KIF1A: variants seen among roughly 807,000 people sequenced by gnomAD.
The protein encoded by KIF1A is kinesin-like protein KIF1A.
Under a neutral mutation model 227.3 loss-of-function variants are expected in KIF1A, and 46 were observed. The observed-to-expected ratio is 0.20, with a 90% CI of 0.16 to 0.26. The LOEUF (loss-of-function observed/expected upper bound fraction) is 0.26. Among genes scored for constraint, KIF1A ranks in the 10% least tolerant of loss-of-function variants. KIF1A has a pLI of 1.00. For missense variants in KIF1A, 1,683 were observed against 2,485.9 expected, an observed-to-expected ratio of 0.68 and a Z score of 6.87; for synonymous variants, 1,022 against 1,012.8, an observed-to-expected ratio of 1.01 and a Z score of -0.17.
Position 240,736,413 on chromosome 2 carries a change from G to A in KIF1A, c.4007+650C>T, listed in dbSNP as rs2047330853. ...CCGCGGGACGTCCCCACCCACCAGG[G>A]CTGCCCCTGGCAGTGCTGAGCCACC... On this transcript the variant is annotated intron_variant, in intron 38 of 48. Transcript: ENST00000498729. This position sits in a 1 kb window ranked among gnomAD's most constrained non-coding sequence, Gnocchi z 4.7. 6.6e-6 allele frequency among the ~76,000 whole-genome samples: 1 copy of A among 152,142 alleles called. No homozygotes were observed. Among genetic ancestry groups the A allele is most frequent in the Non-Finnish European group, 1.5e-5 (1 of 68,020 alleles).
chr2:240,746,166 C>T lies in KIF1A; in HGVS notation c.3075G>A (p.Glu1025=), dbSNP rs1234424092. ...GGGACATCCCCACCACGGGGCAAGACTCGGACTGGAACTGATCAGAGGGGG... is the reference window on the plus strand; with the variant it reads ...GGGACATCCCCACCACGGGGCAAGATTCGGACTGGAACTGATCAGAGGGGG... ...DDQHFEKFQS[E]SCPVVGMSRS... Residue 1025 remains glutamate, a synonymous_variant, in exon 30 of 49, where the codon GAG becomes GAA. Transcript: ENST00000498729. The T allele has an allele frequency of 6.4e-7, 1 of 1,564,026 alleles. No homozygotes were observed. The highest frequency in any genetic ancestry group is 2.4e-5 in the East Asian group (1 of 41,906).
intron 1 of KIF1A, among the ~76,000 whole-genome samples, chr2:240,812,220 G>A (rs1218012257): frequency 6.6e-6 from 1 of 152,224 alleles, no homozygotes; most frequent in Non-Finnish European, 1.5e-5. Context: ...CCCTGGGGTG[G>A]GGGCATCAGC....
chr2:240,776,953 G>C (rs1451931436), intron 10 of KIF1A, among the ~76,000 whole-genome samples: 1 of 152,240 alleles, frequency 6.6e-6, no homozygotes, highest in South Asian at 2.1e-4. Flanking sequence ...TGTCCATCTC[G>C]CAGCTCAGCA....
rs761981407 is a variant in KIF1A, at chr2:240,726,976, C to T, written c.4008-36G>A. On this transcript the variant is annotated intron_variant, in intron 38 of 48. Coordinates refer to ENST00000498729, the MANE Select transcript of KIF1A (RefSeq NM_001244008.2). This position sits in a 1 kb window ranked among gnomAD's most constrained non-coding sequence, Gnocchi z 5.2. ...GCAGAGACAAAGTAGAAGTTGATGGCGTGGGGGCTGCTTTCAGCCAGGCCG... is the reference window on the plus strand; with the variant it reads ...GCAGAGACAAAGTAGAAGTTGATGGTGTGGGGGCTGCTTTCAGCCAGGCCG... The T allele has an allele frequency of 1.1e-5, 15 of 1,315,100 alleles. No homozygotes were observed. The highest frequency in any genetic ancestry group is 9.5e-5 in the Admixed American group (5 of 52,604). The allele number at this position is 1,315,100 out of a possible 1,614,324, so 81.5% of individuals were successfully genotyped here.
At chr2:240,803,203 TAATG>T (rs946401616) in intron 1 of KIF1A, among the ~76,000 whole-genome samples, 1 of 152,228 alleles carries the variant, frequency 6.6e-6, no homozygotes, top group Non-Finnish European at 1.5e-5. Context: ...GAATGAGTGA[TAATG>T]AAGATACATT....
chr2:240,785,692 T>C (rs964358568), intron 6 of KIF1A, among the ~76,000 whole-genome samples: 7 of 152,178 alleles, frequency 4.6e-5, no homozygotes, highest in African/African-American at 1.7e-4. Flanking sequence ...GGAGTCACAA[T>C]GACGGCCAGG....
In KIF1A at chr2:240,778,511, T is replaced by TACACACAC. The variant is rs60462300; in HGVS notation, c.883-2593_883-2586dup. ...GGCGCTCGCAGCTCCCGCACAGCGT[T>TACACACAC]ACACACACACACACACACACACACA... On this transcript the variant is annotated intron_variant, in intron 10 of 48. Transcript: ENST00000498729. The surrounding 1 kb of genome is among the most constrained non-coding windows in gnomAD (Gnocchi z 7.2). Among the ~76,000 whole-genome samples the TACACACAC allele has an allele frequency of 5.0e-3, 666 of 134,198 alleles. 7 individuals carry two copies. Among genetic ancestry groups the TACACACAC allele is most frequent in the African/African-American group, 0.014 (467 of 32,948 alleles). 88.0% of individuals were successfully genotyped at this position (134,198 alleles called of 152,430 possible).
At position 240,744,068 on chromosome 2, in the gene KIF1A, G is replaced by A. The variant is rs1559494205; in HGVS notation, c.3466-8C>T. 2 of 1,582,844 alleles carry A rather than the reference G, an allele frequency of 1.3e-6. No individual in the cohort carries two copies. The highest frequency in any genetic ancestry group is 1.7e-6 in the Non-Finnish European group (2 of 1,151,680). On this transcript the variant is annotated splice_polypyrimidine_tract_variant and splice_region_variant and intron_variant, in intron 32 of 48. Transcript: ENST00000498729. ...GGTCACCTCCACTGCGATCTGGTGG[G>A]CAGGCAGGTGGGAGGACAGGAGGGC...
At chr2:240,795,743 G>A (rs547342131) in intron 2 of KIF1A, among the ~76,000 whole-genome samples, 2 of 152,306 alleles carry the variant, frequency 1.3e-5, no homozygotes, top group East Asian at 1.9e-4. Flanking sequence ...GGTGCCACTC[G>A]CCCACCCTGG....
Position 240,786,349 on chromosome 2 carries a change from T to C in KIF1A, c.594A>G (p.Ser198=). ...SYNDIQDLMD[S]GNKARTVAAT... ...CCTCCACCCACCTGGCCTTGTTCCC[T>C]GAGTCCATGAGGTCCTGGATGTCAT... Residue 198 remains serine, a synonymous_variant, in exon 6 of 49, where the codon TCA becomes TCG. Coordinates refer to ENST00000498729, the MANE Select transcript of KIF1A (RefSeq NM_001244008.2). 1 of 1,613,454 alleles carries C rather than the reference T, an allele frequency of 6.2e-7. No homozygotes were observed. Among genetic ancestry groups the C allele is most frequent in the Non-Finnish European group, 8.5e-7 (1 of 1,179,702 alleles).
At chr2:240,817,916 C>T (rs1242621220) in intron 1 of KIF1A, among the ~76,000 whole-genome samples, 1 of 152,240 alleles carries the variant, frequency 6.6e-6, no homozygotes, top group African/African-American at 2.4e-5. Context: ...CGGGCAGTGA[C>T]CCCAGTTTTA....
At chr2:240,809,825 A>C (rs1163018210) in intron 1 of KIF1A, among the ~76,000 whole-genome samples, 1 of 151,996 alleles carries the variant, frequency 6.6e-6, no homozygotes, top group Non-Finnish European at 1.5e-5. Flanking sequence ...AACATGGTAC[A>C]TGTATACCTT....
chr2:240,743,238 G>A (rs1055998933), intron 33 of KIF1A, among the ~76,000 whole-genome samples: 1 of 152,160 alleles, frequency 6.6e-6, no homozygotes, highest in Admixed American at 6.5e-5. Flanking sequence ...GCACTCGCGA[G>A]GACAGACAAG....
At chr2:240,765,027 T>C (rs867274450) in intron 20 of KIF1A, among the ~76,000 whole-genome samples, 7 of 152,324 alleles carry the variant, frequency 4.6e-5, no homozygotes, top group Middle Eastern at 3.4e-3. Flanking sequence ...AATAAATCTC[T>C]TTATACCTAG....
rs2047724460 is a variant in KIF1A, at chr2:240,739,633, G to A, written c.3901+425C>T. On this transcript the variant is annotated intron_variant, in intron 37 of 48. Coordinates refer to ENST00000498729, the MANE Select transcript of KIF1A (RefSeq NM_001244008.2). The surrounding 1 kb of genome is among the most constrained non-coding windows in gnomAD (Gnocchi z 5.6). ...GCGAAAATGCAGTGATGCGTCTGCAGGCCAGGGTCGCCCAAGATGCTGGCC... is the reference window on the plus strand; with the variant it reads ...GCGAAAATGCAGTGATGCGTCTGCAAGCCAGGGTCGCCCAAGATGCTGGCC... 6.6e-6 allele frequency among the ~76,000 whole-genome samples: 1 copy of A among 152,214 alleles called. No individual in the cohort carries two copies. The highest frequency in any genetic ancestry group is 2.1e-4 in the South Asian group (1 of 4,836).
At chr2:240,730,973 C>G (rs1000735616) in intron 38 of KIF1A, among the ~76,000 whole-genome samples, 4 of 152,220 alleles carry the variant, frequency 2.6e-5, no homozygotes, top group African/African-American at 4.8e-5. Context: ...TCCAAGCCCC[C>G]TGAGGGCAGC....
Position 240,767,408 on chromosome 2 carries a change from C to A in KIF1A, c.1498-63G>T, listed in dbSNP as rs2051347411. The A allele has an allele frequency of 1.8e-5, 24 of 1,320,672 alleles. No individual in the cohort carries two copies. The South Asian group carries it at 2.7e-4, about 15-fold the overall frequency. 81.8% of individuals were successfully genotyped at this position (1,320,672 alleles called of 1,614,324 possible). ...GGCAGGAGCCTGATGCTGGCCACAC[C>A]CCCCTCCAACCTCTCTCCAGGCACC... On this transcript the variant is annotated intron_variant, in intron 17 of 48. Coordinates refer to ENST00000498729, the MANE Select transcript of KIF1A (RefSeq NM_001244008.2).
At position 240,719,183 on chromosome 2, in the gene KIF1A, C is replaced by T. The variant is rs751454293; in HGVS notation, c.5037G>A (p.Lys1679=). 1 of 1,605,720 alleles carries T rather than the reference C, an allele frequency of 6.2e-7. No individual in the cohort carries two copies. Among genetic ancestry groups the T allele is most frequent in the Non-Finnish European group, 8.5e-7 (1 of 1,175,960 alleles). ...QEIRVSPIVS[K]KGYLHFLEPH... ...GCTCCAGGAAGTGCAGGTACCCCTT[C>T]TTGGAAACGATCGGGCTGAAGGCAG... The change falls in exon 47 of 49, where the codon AAG becomes AAA. Residue 1679 remains lysine (K), a synonymous_variant. Coordinates refer to ENST00000498729, the MANE Select transcript of KIF1A (RefSeq NM_001244008.2).
At chr2:240,807,118 G>GTGTGTA (rs2057484427) in intron 1 of KIF1A, among the ~76,000 whole-genome samples, 2 of 135,642 alleles carry the variant, frequency 1.5e-5, no homozygotes, top group South Asian at 2.4e-4. Flanking sequence ...GTGTGTGTGT[G>GTGTGTA]TGTGTGTGTG....
Sources: gnomAD v4.1 joint callset for allele counts (sites outside exome capture counted in the v4.1 genomes callset) on GRCh38, gnomAD v4.1.1 for gene constraint, Gnocchi (gnomAD v3.1) non-coding constraint, MANE v1.5 for transcripts, NCBI Gene and HGNC (gene_info 2026-07-23, HGNC 2026-07-21) for gene names.